Variants in PRIM2 observed in about 807,000 individuals in gnomAD.
PRIM2 encodes the protein DNA primase subunit 2.
In PRIM2, 39 loss-of-function variants were observed where a neutral mutation model predicts 67.3. The observed-to-expected ratio is 0.58, with a 90% CI of 0.45 to 0.76. The LOEUF is 0.76. Among genes scored for constraint, PRIM2 ranks in the 30% least tolerant of loss-of-function variants. The pLI is 0.00. For synonymous variants in PRIM2, 143 were observed against 198.7 expected, an observed-to-expected ratio of 0.72 and a Z score of 2.36; for missense variants, 398 against 598.7, an observed-to-expected ratio of 0.66 and a Z score of 3.50.
At chr6:57,358,090 A>G (rs1434205403) in intron 5 of PRIM2, among the ~76,000 whole-genome samples, 1 of 152,238 alleles carries the variant, frequency 6.6e-6, no homozygotes, top group Non-Finnish European at 1.5e-5. Flanking sequence ...TGTTCCCCAG[A>G]AGATACATTA....
the PRIM2 span, among the ~76,000 whole-genome samples, chr6:57,237,634 G>T: frequency 3.9e-5 from 6 of 152,030 alleles, no homozygotes; most frequent in Non-Finnish European, 8.8e-5. Context: ...TTCTACATAT[G>T]GCTAGCCAGT....
At chr6:57,574,736 C>CT (rs1163729423) in intron 10 of PRIM2, among the ~76,000 whole-genome samples, 1 of 151,074 alleles carries the variant, frequency 6.6e-6, no homozygotes, top group African/African-American at 2.4e-5. Context: ...CTGCTGTACT[C>CT]TTTTTCCAGT....
At chr6:57,445,570 AC>A (rs1402616232) in intron 7 of PRIM2, among the ~76,000 whole-genome samples, 3 of 151,886 alleles carry the variant, frequency 2.0e-5, no homozygotes, top group African/African-American at 7.3e-5. Flanking sequence ...GCCTGTGCAC[AC>A]CCCCAACCCT....
chr6:57,324,129 C>A, intron 3 of PRIM2, 72 bp from the exon 4 acceptor site: 2 of 819,742 alleles, frequency 2.4e-6, no homozygotes, highest in Non-Finnish European at 4.1e-6. Context: ...TTGGCTTAGG[C>A]TGGCTCAGTA....
intron 7 of PRIM2, among the ~76,000 whole-genome samples, chr6:57,451,897 A>G (rs1772565871): frequency 1.3e-5 from 2 of 151,124 alleles, no homozygotes; most frequent in African/African-American, 4.9e-5. Flanking sequence ...TCGTCATTTA[A>G]CATTAGGTAT....
At chr6:57,453,557 G>T (rs918109939) in intron 7 of PRIM2, among the ~76,000 whole-genome samples, 1 of 152,110 alleles carries the variant, frequency 6.6e-6, no homozygotes, top group African/African-American at 2.4e-5. Context: ...AATTGTGAAT[G>T]GGAGTTCACT....
intron 10 of PRIM2, among the ~76,000 whole-genome samples, chr6:57,552,031 G>T (rs1460608637): frequency 0.011 from 1,689 of 152,132 alleles, 17 homozygotes; most frequent in Non-Finnish European, 0.017. Context: ...ACAGACACTG[G>T]ATCTTAAAAC....
At chr6:57,615,439 AAT>A (rs1434697906) in intron 12 of PRIM2, among the ~76,000 whole-genome samples, 3 of 144,710 alleles carry the variant, frequency 2.1e-5, no homozygotes, top group East Asian at 2.1e-4. Flanking sequence ...AAAAAAAAAA[AAT>A]TGAGAATATG....
chr6:57,403,300 A>G (rs1220907333), intron 7 of PRIM2, among the ~76,000 whole-genome samples: 1 of 134,502 alleles, frequency 7.4e-6, no homozygotes, highest in African/African-American at 2.9e-5. Flanking sequence ...TCTGTTGCCC[A>G]GGCTGGAGTG....
chr6:57,634,183 T>C (rs1777080720), intron 13 of PRIM2, among the ~76,000 whole-genome samples: 1 of 152,164 alleles, frequency 6.6e-6, no homozygotes, highest in African/African-American at 2.4e-5. Context: ...ACTAAATTTG[T>C]GATAATGACA....
the PRIM2 span, among the ~76,000 whole-genome samples, chr6:57,240,091 G>GTTTTTTTTTTTTTTTTTTTTTTTTT: frequency 1.1e-5 from 1 of 90,006 alleles, no homozygotes; most frequent in African/African-American, 4.4e-5. Flanking sequence ...TCAATAATCT[G>GTTTTTTTTTTTTTTTTTTTTTTTTT]TTTTTTTTTT....
At chr6:57,271,420 G>T in the PRIM2 span, among the ~76,000 whole-genome samples, 19,813 of 152,110 alleles carry the variant, frequency 0.13, 1,370 homozygotes, top group East Asian at 0.21. Flanking sequence ...TTGCGTAGAG[G>T]TGTTTATAGT....
At chr6:57,458,607 C>G (rs1236564282) in intron 7 of PRIM2, among the ~76,000 whole-genome samples, 2 of 152,172 alleles carry the variant, frequency 1.3e-5, no homozygotes, top group Admixed American at 1.3e-4. Context: ...ATTCCTTGAA[C>G]TGGGGAGGCA....
intron 7 of PRIM2, among the ~76,000 whole-genome samples, chr6:57,396,754 G>A (rs1408179361): frequency 6.6e-6 from 1 of 151,980 alleles, no homozygotes; most frequent in African/African-American, 2.4e-5. Flanking sequence ...TTTTTGTTTT[G>A]TAGGTCTTGT....
chr6:57,382,908 T>G (rs905243881), intron 7 of PRIM2: 1 of 152,168 alleles, frequency 6.6e-6, no homozygotes, highest in Non-Finnish European at 1.5e-5. Flanking sequence ...AGTTAAAAAT[T>G]GTAGTATTTT....
chr6:57,226,194 T>A, the PRIM2 span, among the ~76,000 whole-genome samples: 3 of 152,300 alleles, frequency 2.0e-5, no homozygotes, highest in African/African-American at 7.2e-5. Context: ...TACACACATA[T>A]GCACACATAT....
chr6:57,362,872 A>G (rs1282870415), intron 5 of PRIM2, among the ~76,000 whole-genome samples: 3 of 152,204 alleles, frequency 2.0e-5, no homozygotes, highest in Non-Finnish European at 4.4e-5. Flanking sequence ...GGTGCTTGAA[A>G]TAAATAGTTT....
At chr6:57,500,841 A>G (rs1774116098) in intron 7 of PRIM2, among the ~76,000 whole-genome samples, 1 of 150,682 alleles carries the variant, frequency 6.6e-6, no homozygotes, top group Non-Finnish European at 1.5e-5. Flanking sequence ...GAACCAATAC[A>G]ATGAAAAGAG....
chr6:57,436,877 T>A (rs1174554925), intron 7 of PRIM2, among the ~76,000 whole-genome samples: 1 of 152,222 alleles, frequency 6.6e-6, no homozygotes, highest in East Asian at 1.9e-4. Flanking sequence ...TAAGATTCTC[T>A]CTTTCTTGTC....
Sources: allele counts gnomAD v4.1 joint callset (sites outside exome capture counted in the v4.1 genomes callset), GRCh38; gene constraint gnomAD v4.1.1; transcripts MANE v1.5; gene names NCBI Gene and HGNC (gene_info 2026-07-23, HGNC 2026-07-21).